Variants in ZNF804B observed in about 807,000 individuals in gnomAD.
ZNF804B encodes zinc finger protein 804B, also known as zinc finger 804B.
ZNF804B carries 80 observed loss-of-function variants against 101.4 expected under a neutral mutation model. The observed-to-expected ratio is 0.79, with a 90% CI of 0.66 to 0.95. The LOEUF is 0.95. ZNF804B is among the 40% of genes least tolerant of loss of function. The pLI is 0.00. For missense variants in ZNF804B, 1,673 were observed against 1,561.9 expected, an observed-to-expected ratio of 1.07 and a Z score of -1.20; for synonymous variants, 622 against 558.8, an observed-to-expected ratio of 1.11 and a Z score of -1.59.
intron 1 of ZNF804B, among the ~76,000 whole-genome samples, chr7:89,001,079 T>C (rs1788280811): frequency 6.8e-6 from 1 of 147,754 alleles, no homozygotes. Context: ...ATGATGTTGG[T>C]CAAAGATACA....
intron 1 of ZNF804B, among the ~76,000 whole-genome samples, chr7:89,178,303 C>G (rs1385071983): frequency 1.7e-4 from 2 of 12,044 alleles, no homozygotes; most frequent in East Asian, 8.9e-3. Flanking sequence ...TTACTCCTGC[C>G]ATTTTTTTTT....
intron 2 of ZNF804B, among the ~76,000 whole-genome samples, chr7:89,300,922 G>T (rs1388837805): frequency 2.0e-5 from 3 of 151,706 alleles, no homozygotes; most frequent in Admixed American, 6.6e-5. Context: ...AGCAGTAGGT[G>T]GCATCCAGGA....
intron 1 of ZNF804B, among the ~76,000 whole-genome samples, chr7:89,193,439 C>T (rs183617048): frequency 6.6e-6 from 1 of 151,346 alleles, no homozygotes; most frequent in African/African-American, 2.4e-5. Context: ...ATTAGGTATA[C>T]ATCCTAATGC....
chr7:89,250,011 C>A (rs1413960932), intron 2 of ZNF804B, among the ~76,000 whole-genome samples: 3 of 151,968 alleles, frequency 2.0e-5, no homozygotes, highest in Admixed American at 1.3e-4. Context: ...GATGGTGAAA[C>A]CCTATCTCTA....
intron 1 of ZNF804B, among the ~76,000 whole-genome samples, chr7:88,921,962 A>G (rs1174795998): frequency 2.0e-5 from 3 of 152,096 alleles, no homozygotes; most frequent in Admixed American, 1.3e-4. Context: ...AATATTGTAA[A>G]AGAAAAGAGA....
chr7:88,768,732 C>T (rs1484561950), intron 1 of ZNF804B, among the ~76,000 whole-genome samples: 1 of 152,162 alleles, frequency 6.6e-6, no homozygotes, highest in African/African-American at 2.4e-5. Flanking sequence ...AACAAACAAA[C>T]AAAACTTACA....
In ZNF804B at chr7:89,298,216, G is replaced by GTGTGTATATATA. The variant is rs1421058768; in HGVS notation, c.250-29127_250-29126insGTGTATATATAT. ...ATATCTATATAGTGTGTGTGTGTGT[G>GTGTGTATATATA]TATATATATATATATATATATATAT... is the stretch of plus-strand genomic sequence containing the variant. On this transcript the variant is annotated intron_variant, in intron 2 of 3. Transcript: ENST00000333190. Among the ~76,000 whole-genome samples the GTGTGTATATATA allele has an allele frequency of 9.4e-4, 26 of 27,514 alleles. 1 individual carries two copies. Among genetic ancestry groups the GTGTGTATATATA allele is most frequent in the African/African-American group, 3.9e-3 (25 of 6,406 alleles). The allele number at this position is 27,514 out of a possible 152,430, so 18.1% of individuals were successfully genotyped here.
At chr7:89,278,976 T>C (rs971057819) in intron 2 of ZNF804B, among the ~76,000 whole-genome samples, 59 of 152,238 alleles carry the variant, frequency 3.9e-4, no homozygotes, top group Middle Eastern at 3.4e-3. Flanking sequence ...ATTCTTCCTA[T>C]CCATGAGCAT....
At chr7:88,906,917 A>G (rs1375703975) in intron 1 of ZNF804B, among the ~76,000 whole-genome samples, 1 of 152,012 alleles carries the variant, frequency 6.6e-6, no homozygotes, top group African/African-American at 2.4e-5. Flanking sequence ...GAGTGCTCTG[A>G]TGTTGGGTTC....
chr7:89,175,806 A>T (rs909445033), intron 1 of ZNF804B, among the ~76,000 whole-genome samples: 4 of 151,934 alleles, frequency 2.6e-5, no homozygotes, highest in African/African-American at 9.7e-5. Flanking sequence ...ATGTATTCCT[A>T]GGTATTTTAT....
At chr7:88,833,546 T>C (rs200366782) in intron 1 of ZNF804B, among the ~76,000 whole-genome samples, 1 of 92,040 alleles carries the variant, frequency 1.1e-5, no homozygotes, top group East Asian at 2.2e-3. Flanking sequence ...CAGTAAAAGA[T>C]AGGAAAATTT....
intron 1 of ZNF804B, among the ~76,000 whole-genome samples, chr7:88,983,267 C>T (rs917631147): frequency 6.6e-6 from 1 of 152,046 alleles, no homozygotes; most frequent in African/African-American, 2.4e-5. Flanking sequence ...GATATGTGTG[C>T]CCATTAAAAT....
At chr7:89,271,670 T>C (rs1227041813) in intron 2 of ZNF804B, among the ~76,000 whole-genome samples, 1 of 152,160 alleles carries the variant, frequency 6.6e-6, no homozygotes, top group African/African-American at 2.4e-5. Flanking sequence ...GTACCTCTGG[T>C]AGAATTCGGC....
Position 89,032,506 on chromosome 7 carries a change from C to T in ZNF804B, c.109-185649C>T, listed in dbSNP as rs570809302. On this transcript the variant is annotated intron_variant, in intron 1 of 3. Transcript: ENST00000333190. ...ACAGGTTTACTTACTTTCTTTTCTT[C>T]ATTTCAGAATATTTTCAAAATTACA... Among the ~76,000 whole-genome samples, 5 of 152,162 alleles carry T rather than the reference C, an allele frequency of 3.3e-5. No homozygotes were observed. In the East Asian group the frequency reaches 9.7e-4, roughly 29 times the overall value.
At chr7:89,033,690 A>C (rs933011066) in intron 1 of ZNF804B, among the ~76,000 whole-genome samples, 1 of 152,152 alleles carries the variant, frequency 6.6e-6, no homozygotes, top group Non-Finnish European at 1.5e-5. Flanking sequence ...TACATTTTCA[A>C]CAAAGGAAAA....
intron 1 of ZNF804B, among the ~76,000 whole-genome samples, chr7:88,960,635 CAT>C (rs1464383764): frequency 6.6e-5 from 10 of 151,256 alleles, no homozygotes; most frequent in African/African-American, 2.4e-4. Context: ...ATTTATTTAA[CAT>C]ATTATCTTTG....
intron 1 of ZNF804B, among the ~76,000 whole-genome samples, chr7:88,780,354 A>G (rs558512621): frequency 6.6e-6 from 1 of 151,702 alleles, no homozygotes; most frequent in African/African-American, 2.4e-5. Flanking sequence ...GACTTTTTTT[A>G]AGTAAGAAAT....
At chr7:89,298,224 A>ATC (rs1562940154) in intron 2 of ZNF804B, among the ~76,000 whole-genome samples, 22 of 89,180 alleles carry the variant, frequency 2.5e-4, no homozygotes, top group African/African-American at 9.2e-4. Context: ...GTGTATATAT[A>ATC]TATATATATA....
chr7:89,142,320 TTG>T (rs1343172130), intron 1 of ZNF804B, among the ~76,000 whole-genome samples: 3 of 151,632 alleles, frequency 2.0e-5, no homozygotes, highest in African/African-American at 7.3e-5. Flanking sequence ...GTTGTTGTTG[TTG>T]TTTGTTTTTG....
Sources: gnomAD v4.1 joint callset for allele counts (sites outside exome capture counted in the v4.1 genomes callset) on GRCh38, gnomAD v4.1.1 for gene constraint, MANE v1.5 for transcripts, NCBI Gene and HGNC (gene_info 2026-07-23, HGNC 2026-07-21) for gene names.